Variants in HDAC6 observed in about 807,000 individuals in gnomAD.
The protein encoded by HDAC6 is protein deacetylase HDAC6.
Under a neutral mutation model 88.9 loss-of-function variants are expected in HDAC6, and 5 were observed. That is an observed-to-expected ratio of 0.06 (90% CI 0.03 to 0.12). The LOEUF is 0.12. Ranked by LOEUF, HDAC6 falls within the 10% of genes least tolerant of loss-of-function variation. HDAC6 has a pLI of 1.00. For synonymous variants in HDAC6, 378 were observed against 398.0 expected (o/e 0.95, Z 0.60); for missense variants, 706 against 1,014.4 (o/e 0.70, Z 4.13).
chrX:48,801,767 G>A, upstream of HDAC6: 2 of 811,907 alleles, frequency 2.5e-6, no homozygotes, highest in South Asian at 4.7e-5. Flanking sequence ...GCTCGCGCGA[G>A]GGGCGCGGCC....
At chrX:48,824,099 G>A in intron 27 of HDAC6, 31 bp downstream of exon 27, 1 of 1,205,644 alleles carries the variant, frequency 8.3e-7, no homozygotes, top group Non-Finnish European at 1.1e-6. Flanking sequence ...ATGGGGCGGA[G>A]GTTGGCCCGG....
intron 8 of HDAC6, 62 bp from the exon 9 acceptor site, chrX:48,807,971 T>C (rs782737408): frequency 1.3e-6 from 1 of 753,555 alleles, no homozygotes; most frequent in Non-Finnish European, 2.0e-6. Flanking sequence ...CAGGGGACAG[T>C]CTGTCTCTGC....
chrX:48,808,179 G>A (rs897273413), intron 9 of HDAC6, 42 bp downstream of exon 9: 5 of 1,136,331 alleles, frequency 4.4e-6, no homozygotes, highest in Non-Finnish European at 6.0e-6. Context: ...GGCATGGGGT[G>A]GGGTGTCCTG....
chrX:48,816,752 A>C, intron 19 of HDAC6, 119 bp downstream of exon 19: 2 of 104,350 alleles, frequency 1.9e-5, no homozygotes, highest in Non-Finnish European at 3.2e-5. Flanking sequence ...GGCCATGGGG[A>C]GGGGCACGGG....
At chrX:48,822,393 G>A (rs782519241) in intron 23 of HDAC6, among the ~76,000 whole-genome samples, 14 of 111,956 alleles carry the variant, frequency 1.3e-4, no homozygotes, top group Admixed American at 9.4e-5. Context: ...TATCAGTATT[G>A]TTATCTTGCA....
At chrX:48,816,681 A>G in intron 19 of HDAC6, 48 bp downstream of exon 19, 1 of 1,117,526 alleles carries the variant, frequency 8.9e-7, no homozygotes, top group African/African-American at 1.8e-5. Flanking sequence ...GGGAATGGAA[A>G]AAGAGAGCCA....
intron 10 of HDAC6, among the ~76,000 whole-genome samples, chrX:48,808,795 G>A (rs2062857356): frequency 8.9e-6 from 1 of 112,411 alleles, no homozygotes; most frequent in African/African-American, 3.2e-5. Context: ...AGTGTCTGAA[G>A]CAGTGAGTCT....
chrX:48,811,708 C>A (rs1445017281), intron 10 of HDAC6, among the ~76,000 whole-genome samples: 1 of 112,275 alleles, frequency 8.9e-6, no homozygotes, highest in African/African-American at 3.2e-5. Context: ...TTGTACTTAT[C>A]TTTTCCAGTG....
At position 48,815,404 on chromosome X, in the gene HDAC6, C is replaced by G; in HGVS notation, c.1170C>G (p.Ala390=). The change falls in exon 15 of 29, where the codon GCC becomes GCG. Residue 390 remains alanine (A), a synonymous_variant. Coordinates refer to ENST00000334136, the MANE Select transcript of HDAC6 (RefSeq NM_006044.4). Reference sequence around the variant, plus strand: ...CCCAGGGTGGCTACAACCTCCGCGCCCTGGCTGAAGGCGTCAGTGCTTCGC... The same window carrying G: ...CCCAGGGTGGCTACAACCTCCGCGCGCTGGCTGAAGGCGTCAGTGCTTCGC... ...LSLEGGYNLR[A]LAEGVSASLH... 8.3e-7 allele frequency: 1 copy of G among 1,204,317 alleles called. No individual in the cohort carries two copies. Among genetic ancestry groups the G allele is most frequent in the East Asian group, 3.0e-5 (1 of 33,563 alleles).
At chrX:48,819,865 C>T (rs782094381) in intron 22 of HDAC6, 2 of 483,168 alleles carry the variant, frequency 4.1e-6, no homozygotes, top group South Asian at 5.1e-5. Context: ...CTGCCATCTC[C>T]ATGTCTCTAA....
chrX:48,818,033 C>T lies in HDAC6; in HGVS notation c.1926-8C>T. The T allele has an allele frequency of 8.4e-7, 1 of 1,190,608 alleles. No homozygotes were observed. Among genetic ancestry groups the T allele is most frequent in the Non-Finnish European group, 1.1e-6 (1 of 884,268 alleles). ...TCGTCGGTTACTGAGGTGCTGTCTC[C>T]TCCCCAGGATCCTGATTGTGGATTG... On this transcript the variant is annotated splice_polypyrimidine_tract_variant and splice_region_variant and intron_variant, in intron 20 of 28. Coordinates refer to ENST00000334136, the MANE Select transcript of HDAC6 (RefSeq NM_006044.4).
At chrX:48,821,616 C>T (rs1418827718) in intron 23 of HDAC6, among the ~76,000 whole-genome samples, 1 of 105,027 alleles carries the variant, frequency 9.5e-6, no homozygotes, top group Non-Finnish European at 1.9e-5. Flanking sequence ...AAGCAATTCT[C>T]ATGCCTCAGC....
Position 48,818,088 on chromosome X carries a change from A to G in HDAC6, c.1973A>G (p.His658Arg). 1 of 1,199,466 alleles carries G rather than the reference A, an allele frequency of 8.3e-7. No individual in the cohort carries two copies. Among genetic ancestry groups the G allele is most frequent in the Non-Finnish European group, 1.1e-6 (1 of 889,559 alleles). The change falls in exon 21 of 29, where the codon CAC (histidine) becomes CGC (arginine). Residue 658 changes from histidine to arginine, a missense_variant. Around this residue, in one of 9 missense-constraint regions of HDAC6, gnomAD observed 138 missense variants for 303.5 expected, o/e 0.45. Transcript: ENST00000334136. ...GTCCACCACGGTAATGGAACTCAGC[A>G]CATGTTTGAGGATGACCCCAGGTAA... Reference protein sequence around the residue: ...WDVHHGNGTQHMFEDDPSVLY... With the variant: ...WDVHHGNGTQRMFEDDPSVLY...
chrX:48,805,468 C>T lies in HDAC6; in HGVS notation c.342C>T (p.Ala114=), dbSNP rs1161979672. Residue 114 remains alanine (A), a synonymous_variant, in exon 5 of 29, where the codon GCC becomes GCT. Transcript: ENST00000334136. ...CGGAAGGCCCTGAGCGGCTCCATGC[C>T]ATCAAGGAGCAACTGATCCAGGAGG... ...SFPEGPERLH[A]IKEQLIQEGL... is the part of the protein sequence containing the mutation. 4.1e-6 allele frequency: 5 copies of T among 1,207,863 alleles called. No homozygotes were observed. In the African/African-American group the frequency reaches 8.8e-5, roughly 21 times the overall value.
chrX:48,821,358 T>G (rs1473780192), intron 23 of HDAC6, among the ~76,000 whole-genome samples: 1 of 105,910 alleles, frequency 9.4e-6, no homozygotes, highest in Non-Finnish European at 1.9e-5. Context: ...ACCCAGCTAA[T>G]TTTTTTGTAT....
rs184818576 is a variant in HDAC6, at chrX:48,818,028, G to C, written c.1926-13G>C. On this transcript the variant is annotated splice_polypyrimidine_tract_variant and intron_variant, in intron 20 of 28. Coordinates refer to ENST00000334136, the MANE Select transcript of HDAC6 (RefSeq NM_006044.4). ...GAGTATCGTCGGTTACTGAGGTGCT[G>C]TCTCCTCCCCAGGATCCTGATTGTG... The C allele has an allele frequency of 1.0e-4, 118 of 1,185,555 alleles. No individual in the cohort carries two copies. In the East Asian group the frequency reaches 3.0e-3, roughly 31 times the overall value.
chrX:48,805,580 G>A (rs1345135190), intron 5 of HDAC6, 51 bp from the exon 6 acceptor site: 26 of 1,177,212 alleles, frequency 2.2e-5, no homozygotes, highest in African/African-American at 5.3e-5. Context: ...TGACCTGGGT[G>A]CAGCCCATGC....
intron 23 of HDAC6, among the ~76,000 whole-genome samples, chrX:48,822,142 G>C (rs1250476940): frequency 9.0e-6 from 1 of 111,715 alleles, no homozygotes; most frequent in Non-Finnish European, 1.9e-5. Flanking sequence ...ACTAGGTCAG[G>C]GCAGGGGCTT....
At chrX:48,821,508 T>C (rs1161735923) in intron 23 of HDAC6, among the ~76,000 whole-genome samples, 1 of 98,244 alleles carries the variant, frequency 1.0e-5, no homozygotes, top group Non-Finnish European at 2.1e-5. Flanking sequence ...TTTTTTTTTT[T>C]TTTTTTCCTT....
Sources: gnomAD v4.1 joint callset for allele counts (sites outside exome capture counted in the v4.1 genomes callset) on GRCh38, gnomAD v4.1.1 for gene constraint, gnomAD v4.1.1 regional missense constraint, MANE v1.5 for transcripts, NCBI Gene and HGNC (gene_info 2026-07-23, HGNC 2026-07-21) for gene names.